THSD7A: variants seen among roughly 807,000 people sequenced by gnomAD.
THSD7A encodes thrombospondin type-1 domain-containing protein 7A.
A neutral mutation model predicts 231.3 loss-of-function variants in THSD7A; 96 were observed. The ratio of observed to expected loss-of-function variants is 0.41; its 90% CI spans 0.35 to 0.49. The LOEUF (loss-of-function observed/expected upper bound fraction) is 0.49. Ranked by LOEUF, THSD7A falls within the 20% of genes least tolerant of loss-of-function variation. The pLI is 0.05. For missense variants in THSD7A, 2,290 were observed against 2,070.2 expected (o/e 1.11, Z -2.06); for synonymous variants, 940 against 743.3 (o/e 1.26, Z -4.30).
At position 11,375,683 on chromosome 7, in the gene THSD7A, T is replaced by A. The variant is rs1249125531; in HGVS notation, c.*111A>T. ...ACTCTTGTCTTTATGATGCCATTTT[T>A]AAAAATTAAAATATATTTTAATCCA... On this transcript the variant is annotated 3_prime_UTR_variant, in exon 28 of 28. Coordinates refer to ENST00000423059, the MANE Select transcript of THSD7A (RefSeq NM_015204.3). 1.1e-6 allele frequency: 1 copy of A among 897,684 alleles called. No homozygotes were observed. Among genetic ancestry groups the A allele is most frequent in the Non-Finnish European group, 1.7e-6 (1 of 581,274 alleles). The allele number at this position is 897,684 out of a possible 1,614,324, so 55.6% of individuals were successfully genotyped here. A position where few individuals can be genotyped will look rare whatever the true frequency, so the allele number is the denominator to read the frequency against.
chr7:11,479,163 A>G (rs1786321623), intron 7 of THSD7A, among the ~76,000 whole-genome samples: 1 of 152,196 alleles, frequency 6.6e-6, no homozygotes, highest in Admixed American at 6.5e-5. Flanking sequence ...AGAAGTAAAT[A>G]AAGCTTTGTT....
At chr7:11,589,689 A>G (rs999742191) in intron 4 of THSD7A, among the ~76,000 whole-genome samples, 4 of 152,226 alleles carry the variant, frequency 2.6e-5, no homozygotes, top group South Asian at 2.1e-4. Flanking sequence ...GCTATTCCTC[A>G]GACAGAAGGA....
intron 2 of THSD7A, among the ~76,000 whole-genome samples, chr7:11,608,379 A>G (rs983391809): frequency 6.6e-6 from 1 of 152,172 alleles, no homozygotes; most frequent in Non-Finnish European, 1.5e-5. Flanking sequence ...TTAAAAATTG[A>G]TTAACTGTTA....
At chr7:11,761,939 T>C (rs1281399043) in intron 1 of THSD7A, among the ~76,000 whole-genome samples, 1 of 152,082 alleles carries the variant, frequency 6.6e-6, no homozygotes, top group Non-Finnish European at 1.5e-5. Flanking sequence ...TCACTGTCTA[T>C]TATTTCCATC....
intron 23 of THSD7A, chr7:11,384,384 T>G (rs1782646554): frequency 6.6e-6 from 1 of 151,746 alleles, no homozygotes; most frequent in South Asian, 2.1e-4. Flanking sequence ...TTAAAGAAAT[T>G]TAAAATTTTT....
chr7:11,391,863 C>A (rs552977241), intron 23 of THSD7A, among the ~76,000 whole-genome samples: 2 of 152,032 alleles, frequency 1.3e-5, no homozygotes, highest in African/African-American at 4.8e-5. Flanking sequence ...ATCCCTGACC[C>A]CTTGCGCTCC....
intron 4 of THSD7A, among the ~76,000 whole-genome samples, chr7:11,558,865 G>A (rs1789958420): frequency 6.6e-6 from 1 of 152,136 alleles, no homozygotes; most frequent in Admixed American, 6.6e-5. Flanking sequence ...GTGATTAAAG[G>A]TTTAAAACTT....
At chr7:11,681,205 G>A (rs1337744456) in intron 1 of THSD7A, among the ~76,000 whole-genome samples, 1 of 151,962 alleles carries the variant, frequency 6.6e-6, no homozygotes. Flanking sequence ...CAGTCAGGGG[G>A]TGGGGAGCAA....
chr7:11,557,399 C>G (rs1583969615), intron 4 of THSD7A, among the ~76,000 whole-genome samples: 1 of 152,042 alleles, frequency 6.6e-6, no homozygotes, highest in Non-Finnish European at 1.5e-5. Flanking sequence ...AGATTTTCAT[C>G]ATGGCTTCCT....
At chr7:11,527,473 G>A (rs1184766454) in intron 6 of THSD7A, among the ~76,000 whole-genome samples, 4 of 152,144 alleles carry the variant, frequency 2.6e-5, no homozygotes, top group Admixed American at 2.6e-4. Context: ...TGTAAGGACA[G>A]TTGATGTTTT....
chr7:11,523,463 C>G (rs1788348690), intron 6 of THSD7A, among the ~76,000 whole-genome samples: 2 of 151,946 alleles, frequency 1.3e-5, no homozygotes, highest in Admixed American at 1.3e-4. Context: ...ACACCGAACT[C>G]TGGATGGAGA....
At chr7:11,802,917 G>T (rs1420509540) in intron 1 of THSD7A, among the ~76,000 whole-genome samples, 11 of 152,120 alleles carry the variant, frequency 7.2e-5, no homozygotes, top group Non-Finnish European at 1.5e-5. Context: ...TTCCTTTAGA[G>T]ATCTTAGACT....
At chr7:11,510,773 C>A (rs1283820279) in intron 6 of THSD7A, among the ~76,000 whole-genome samples, 1 of 152,098 alleles carries the variant, frequency 6.6e-6, no homozygotes, top group Non-Finnish European at 1.5e-5. Context: ...TGGAACGTAT[C>A]TCAAAATAAT....
chr7:11,548,671 T>C (rs1789498220), intron 4 of THSD7A, among the ~76,000 whole-genome samples: 1 of 152,132 alleles, frequency 6.6e-6, no homozygotes, highest in South Asian at 2.1e-4. Context: ...CACAATCAAG[T>C]TGGCTTTATT....
intron 1 of THSD7A, among the ~76,000 whole-genome samples, chr7:11,641,956 A>C (rs888584186): frequency 6.6e-6 from 1 of 152,082 alleles, no homozygotes; most frequent in Non-Finnish European, 1.5e-5. Context: ...ACACAAGTAC[A>C]CATTGAAAAG....
intron 6 of THSD7A, among the ~76,000 whole-genome samples, chr7:11,517,651 C>A (rs184066406): frequency 2.6e-5 from 4 of 152,230 alleles, no homozygotes; most frequent in Admixed American, 1.3e-4. Context: ...GACAACTACA[C>A]CATTTTTAAC....
Position 11,476,457 on chromosome 7 carries a change from T to A in THSD7A, c.2018-1889A>T, listed in dbSNP as rs573082424. On this transcript the variant is annotated intron_variant, in intron 7 of 27. Transcript: ENST00000423059. ...TGTGATTTGGTTTCCAAATGACATT[T>A]CAATAATTAGCAATTTTATGACAAT... is the stretch of plus-strand genomic sequence containing the variant. Among the ~76,000 whole-genome samples the A allele has an allele frequency of 2.6e-5, 4 of 152,218 alleles. No homozygotes were observed. In the South Asian group the frequency reaches 8.3e-4, roughly 32 times the overall value.
intron 24 of THSD7A, among the ~76,000 whole-genome samples, chr7:11,382,162 C>T (rs1782541829): frequency 1.3e-5 from 2 of 152,210 alleles, no homozygotes; most frequent in African/African-American, 4.8e-5. Flanking sequence ...CTTCAAGGCA[C>T]AGAAGCAGAA....
chr7:11,635,133 C>T (rs368938574), intron 2 of THSD7A, among the ~76,000 whole-genome samples: 3 of 152,044 alleles, frequency 2.0e-5, no homozygotes, highest in African/African-American at 7.2e-5. Context: ...GCGCAGAGGT[C>T]GAAACTTCAG....
Sources: gnomAD v4.1 joint callset for allele counts (sites outside exome capture counted in the v4.1 genomes callset) on GRCh38, gnomAD v4.1.1 for gene constraint, MANE v1.5 for transcripts, NCBI Gene and HGNC (gene_info 2026-07-23, HGNC 2026-07-21) for gene names.